The following EFTUD2 variants were observed in gnomAD, a reference collection of about 807,000 sequenced individuals.
The protein encoded by EFTUD2 is elongation factor Tu GTP binding domain containing 2, also known as 116 kDa U5 small nuclear ribonucleoprotein component.
EFTUD2 carries 9 observed loss-of-function variants against 114.3 expected under a neutral mutation model. That is an observed-to-expected ratio of 0.08 (90% CI 0.05 to 0.14). The LOEUF is 0.14. EFTUD2 is among the 10% of genes least tolerant of loss of function. EFTUD2 has a pLI of 1.00. For missense variants in EFTUD2, 765 were observed against 1,241.2 expected (o/e 0.62, Z 5.76); for synonymous variants, 449 against 462.3 (o/e 0.97, Z 0.37).
chr17:44,873,494 T>C (rs2050891438), intron 10 of EFTUD2, among the ~76,000 whole-genome samples: 1 of 152,076 alleles, frequency 6.6e-6, no homozygotes, highest in Admixed American at 6.6e-5. Flanking sequence ...TAGCTGGGAC[T>C]GCAGGCATGA....
intron 13 of EFTUD2, among the ~76,000 whole-genome samples, chr17:44,866,137 C>T (rs2050742773): frequency 6.6e-6 from 1 of 152,226 alleles, no homozygotes; most frequent in Admixed American, 6.5e-5. Context: ...TCTCAGCATT[C>T]CACATGCTTA....
chr17:44,860,086 A>G, intron 17 of EFTUD2, 41 bp from the exon 18 acceptor site: 1 of 1,614,086 alleles, frequency 6.2e-7, no homozygotes, highest in Non-Finnish European at 8.5e-7. Context: ...AACTGGCATG[A>G]GCAGGCACAG....
intron 1 of EFTUD2, chr17:44,895,823 C>T (rs1195019103): frequency 6.6e-6 from 1 of 152,240 alleles, no homozygotes; most frequent in African/African-American, 2.4e-5. Context: ...ATACCTTACA[C>T]ACCTAAGGAT....
At chr17:44,892,631 C>CTTTT (rs967860195) in intron 2 of EFTUD2, among the ~76,000 whole-genome samples, 82 of 101,378 alleles carry the variant, frequency 8.1e-4, no homozygotes, top group Non-Finnish European at 9.5e-4. Context: ...ACTGTAAAAC[C>CTTTT]TTTTTTTTTT....
chr17:44,885,540 T>C (rs2051153947), intron 3 of EFTUD2, among the ~76,000 whole-genome samples: 1 of 151,738 alleles, frequency 6.6e-6, no homozygotes, highest in Non-Finnish European at 1.5e-5. Flanking sequence ...GAAAGAGGAG[T>C]CTGGGCTTCA....
intron 2 of EFTUD2, chr17:44,892,108 A>T (rs1327387910): frequency 6.6e-6 from 1 of 152,162 alleles, no homozygotes; most frequent in Non-Finnish European, 1.5e-5. Context: ...GATCACTTTG[A>T]ATTTAGATTC....
intron 14 of EFTUD2, among the ~76,000 whole-genome samples, chr17:44,864,662 C>G (rs1292182664): frequency 6.6e-6 from 1 of 152,176 alleles, no homozygotes; most frequent in Non-Finnish European, 1.5e-5. Context: ...TATACCAGAA[C>G]CACAGAGCCT....
intron 1 of EFTUD2, chr17:44,895,801 A>T (rs1173594392): frequency 6.6e-6 from 1 of 152,230 alleles, no homozygotes; most frequent in East Asian, 1.9e-4. Flanking sequence ...AGTTTCACAG[A>T]TTGTTCCAAT....
chr17:44,853,469 T>G (rs1258902153), intron 24 of EFTUD2, 48 bp downstream of exon 24: 5 of 1,609,482 alleles, frequency 3.1e-6, no homozygotes, highest in Non-Finnish European at 4.3e-6. Context: ...CTTCACTTAG[T>G]CCCCTGTCCA....
Position 44,854,198 on chromosome 17 carries a change from G to A in EFTUD2, c.2347+71C>T. The A allele has an allele frequency of 6.7e-7, 1 of 1,502,044 alleles. No individual in the cohort carries two copies. The highest frequency in any genetic ancestry group is 1.3e-5 in the South Asian group (1 of 79,328). The allele number at this position is 1,502,044 out of a possible 1,614,324, so 93.0% of individuals were successfully genotyped here. A position where few individuals can be genotyped will look rare whatever the true frequency, so the allele number is the denominator to read the frequency against. ...TCCTGCCGAATCCTAAAGATGGTGA[G>A]CCCATCCCACTCATATGCCTGGCTG... is the stretch of plus-strand genomic sequence containing the variant. On this transcript the variant is annotated intron_variant, in intron 23 of 27. Transcript: ENST00000426333. The surrounding 1 kb of genome is among the most constrained non-coding windows in gnomAD (Gnocchi z 4.3).
At chr17:44,860,208 G>A in intron 17 of EFTUD2, 163 bp from the exon 18 acceptor site, 1 of 973,892 alleles carries the variant, frequency 1.0e-6, no homozygotes, top group Non-Finnish European at 1.5e-6. Context: ...TTTCTTCCCA[G>A]GTATTCTGGC....
At chr17:44,868,972 G>A (rs777648695) in intron 11 of EFTUD2, among the ~76,000 whole-genome samples, 2 of 152,190 alleles carry the variant, frequency 1.3e-5, no homozygotes, top group East Asian at 1.9e-4. Flanking sequence ...AAGTCAAGAC[G>A]TTGGGTGACA....
At position 44,849,986 on chromosome 17, in the gene EFTUD2, C is replaced by T; in HGVS notation, c.*1288G>A. On this transcript the variant is annotated 3_prime_UTR_variant, in exon 28 of 28. Transcript: ENST00000426333. ...CCTCTTGAGATTAAAAAGCAGACAG[C>T]CACTTGCTAACTGTGTGACAGTGGA... is the stretch of plus-strand genomic sequence containing the variant. 4.4e-6 allele frequency: 1 copy of T among 225,062 alleles called. No individual in the cohort carries two copies. The highest frequency in any genetic ancestry group is 9.0e-6 in the Non-Finnish European group (1 of 111,642). The allele number at this position is 225,062 out of a possible 1,614,324, so 13.9% of individuals were successfully genotyped here. A position where few individuals can be genotyped will look rare whatever the true frequency, so the allele number is the denominator to read the frequency against.
intron 14 of EFTUD2, among the ~76,000 whole-genome samples, chr17:44,864,429 A>G (rs1366977309): frequency 6.6e-6 from 1 of 152,208 alleles, no homozygotes; most frequent in Non-Finnish European, 1.5e-5. Flanking sequence ...CAGATAACAA[A>G]TCAGAGTCAT....
rs374007980 is a variant in EFTUD2, at chr17:44,851,270, G to T, written c.*4C>A. 6.2e-7 allele frequency: 1 copy of T among 1,613,074 alleles called. No individual in the cohort carries two copies. The highest frequency in any genetic ancestry group is 2.2e-5 in the East Asian group (1 of 44,884). ...GGAGCAGGAGCTCCCAGGAGTCCAC[G>T]CACTCACATGGGGTAATTGAGCACA... On this transcript the variant is annotated 3_prime_UTR_variant, in exon 28 of 28. Transcript: ENST00000426333.
chr17:44,887,783 C>T (rs1481440696), intron 2 of EFTUD2, among the ~76,000 whole-genome samples: 1 of 152,092 alleles, frequency 6.6e-6, no homozygotes, highest in Admixed American at 6.6e-5. Flanking sequence ...TGTGAATACT[C>T]TAAAAGCCAT....
At chr17:44,888,107 G>A (rs770112039) in intron 2 of EFTUD2, among the ~76,000 whole-genome samples, 20 of 152,190 alleles carry the variant, frequency 1.3e-4, no homozygotes, top group Non-Finnish European at 2.5e-4. Context: ...GTGAAACAGC[G>A]AATGCAAAGG....
At chr17:44,883,757 T>C (rs765968322) in intron 4 of EFTUD2, 33 bp from the exon 5 acceptor site, 9 of 1,607,490 alleles carry the variant, frequency 5.6e-6, no homozygotes, top group South Asian at 3.3e-5. Flanking sequence ...AAAAGAGAGA[T>C]TGGCAAACGT....
chr17:44,878,776 C>T (rs1199147768), intron 9 of EFTUD2, among the ~76,000 whole-genome samples: 1 of 152,100 alleles, frequency 6.6e-6, no homozygotes, highest in Non-Finnish European at 1.5e-5. Context: ...TGCTGCTATT[C>T]CAAAATGAAA....
Sources: allele counts gnomAD v4.1 joint callset (sites outside exome capture counted in the v4.1 genomes callset), GRCh38; gene constraint gnomAD v4.1.1; non-coding constraint Gnocchi (gnomAD v3.1); transcripts MANE v1.5; gene names NCBI Gene and HGNC (gene_info 2026-07-23, HGNC 2026-07-21).